CTBP2: variants seen among roughly 807,000 people sequenced by gnomAD.
CTBP2 encodes the protein C-terminal binding protein 2, also known as C-terminal-binding protein 2.
A neutral mutation model predicts 80.3 loss-of-function variants in CTBP2; 30 were observed. The observed-to-expected ratio is 0.37, with a 90% CI of 0.28 to 0.51. The LOEUF is 0.51. Among genes scored for constraint, CTBP2 ranks in the 20% least tolerant of loss-of-function variants. The pLI is 0.93. For missense variants in CTBP2, 1,212 were observed against 1,375.3 expected (o/e 0.88, Z 1.88); for synonymous variants, 594 against 587.4 (o/e 1.01, Z -0.16).
At position 124,986,403 on chromosome 10, in the gene CTBP2, T is replaced by G. The variant is rs1343312199; in HGVS notation, c.*3115A>C. 1 of 152,326 alleles carries G rather than the reference T, an allele frequency of 6.6e-6. No homozygotes were observed. Among genetic ancestry groups the G allele is most frequent in the Non-Finnish European group, 1.5e-5 (1 of 68,018 alleles). 9.4% of individuals were successfully genotyped at this position (152,326 alleles called of 1,614,324 possible). A position where few individuals can be genotyped will look rare whatever the true frequency, so the allele number is the denominator to read the frequency against. On this transcript the variant is annotated 3_prime_UTR_variant, in exon 9 of 9. Coordinates refer to ENST00000309035, the MANE Select transcript of CTBP2 (RefSeq NM_022802.3). ...GCTTCTTGTTTTGTTTAGTTGATAA[T>G]GAAATGTGTACAACCTCAAATTTGC...
At chr10:125,071,449 T>G (rs774562830) in intron 2 of CTBP2, among the ~76,000 whole-genome samples, 1 of 152,212 alleles carries the variant, frequency 6.6e-6, no homozygotes, top group Non-Finnish European at 1.5e-5. Flanking sequence ...TGAGCCCAAG[T>G]GGGACAGGAA....
chr10:125,101,595 T>C (rs948763810), intron 2 of CTBP2, among the ~76,000 whole-genome samples: 2 of 151,976 alleles, frequency 1.3e-5, no homozygotes, highest in African/African-American at 4.8e-5. Flanking sequence ...GGGCAAGGAG[T>C]GAGCAACCCA....
chr10:125,023,889 G>A (rs904519419), intron 1 of CTBP2, among the ~76,000 whole-genome samples: 2 of 152,228 alleles, frequency 1.3e-5, no homozygotes, highest in Admixed American at 6.5e-5. Flanking sequence ...CCGAAGGGGA[G>A]AAGAGAGTCA....
intron 1 of CTBP2, among the ~76,000 whole-genome samples, chr10:125,130,343 C>T (rs1226065428): frequency 1.2e-4 from 18 of 152,142 alleles, no homozygotes; most frequent in Non-Finnish European, 1.5e-5. Context: ...GCCACCATGC[C>T]TGGCCAGCCC....
chr10:125,119,416 G>A (rs1853932170), intron 1 of CTBP2, among the ~76,000 whole-genome samples: 1 of 152,230 alleles, frequency 6.6e-6, no homozygotes, highest in Non-Finnish European at 1.5e-5. Context: ...TGGTCAAGAT[G>A]TACCAGACCA....
upstream of CTBP2, among the ~76,000 whole-genome samples, chr10:125,029,767 C>T (rs745908578): frequency 8.5e-5 from 13 of 152,188 alleles, no homozygotes; most frequent in Admixed American, 6.5e-5. Context: ...TGTTGACTCA[C>T]CAGCTTCTTT....
chr10:125,064,935 C>T (rs2936541), intron 2 of CTBP2, among the ~76,000 whole-genome samples: 100,054 of 152,130 alleles, frequency 0.66, 33,831 homozygotes, highest in African/African-American at 0.81. Context: ...GTTTCACAAG[C>T]TTCCCCACCT....
intron 2 of CTBP2, among the ~76,000 whole-genome samples, chr10:125,101,717 A>G (rs1269762614): frequency 6.6e-6 from 1 of 152,188 alleles, no homozygotes; most frequent in African/African-American, 2.4e-5. Context: ...TGCAACATAG[A>G]CCACAGGTAC....
chr10:124,993,814 G>T, intron 6 of CTBP2, 41 bp downstream of exon 8: 2 of 1,591,880 alleles, frequency 1.3e-6, no homozygotes, highest in African/African-American at 2.7e-5. Context: ...TGTGGAGCTG[G>T]GCCCTGTGGG....
chr10:125,105,625 CTG>C (rs1288635370), intron 2 of CTBP2, among the ~76,000 whole-genome samples: 5 of 152,164 alleles, frequency 3.3e-5, no homozygotes, highest in Admixed American at 1.3e-4. Flanking sequence ...CAGTGAAATG[CTG>C]TGTGTCCTTC....
intron 2 of CTBP2, among the ~76,000 whole-genome samples, chr10:125,065,439 T>C (rs377038153): frequency 2.6e-4 from 40 of 151,860 alleles, no homozygotes; most frequent in East Asian, 2.1e-3. Flanking sequence ...TTCAGCAAAA[T>C]AAAGGGAAGG....
intron 1 of CTBP2, among the ~76,000 whole-genome samples, chr10:125,020,672 T>C (rs1158330859): frequency 6.6e-6 from 1 of 152,038 alleles, no homozygotes; most frequent in Admixed American, 6.6e-5. Context: ...CCGGCAGAAA[T>C]CATTTGTCGA....
At chr10:125,124,084 G>A (rs1019932480) in intron 1 of CTBP2, among the ~76,000 whole-genome samples, 7 of 152,198 alleles carry the variant, frequency 4.6e-5, no homozygotes, top group East Asian at 1.9e-4. Context: ...TGGGCTGGCC[G>A]GCTTCCAACA....
At chr10:125,018,079 G>C (rs1229832252) in intron 1 of CTBP2, among the ~76,000 whole-genome samples, 1 of 152,214 alleles carries the variant, frequency 6.6e-6, no homozygotes, top group Admixed American at 6.5e-5. Flanking sequence ...ATTTTCCCTT[G>C]CTGTGCTAAT....
At chr10:125,148,276 C>A (rs1017122548) in intron 1 of CTBP2, among the ~76,000 whole-genome samples, 2 of 152,042 alleles carry the variant, frequency 1.3e-5, no homozygotes, top group African/African-American at 4.8e-5. Flanking sequence ...CTGCCGGGGC[C>A]CCTAGAGCAA....
intron 1 of CTBP2, among the ~76,000 whole-genome samples, chr10:125,136,840 G>A (rs1297166384): frequency 6.6e-6 from 1 of 152,210 alleles, no homozygotes; most frequent in African/African-American, 2.4e-5. Context: ...TAGGGGCAGA[G>A]ACGTAAAACA....
At chr10:124,994,131 A>G (rs902846666) in intron 5 of CTBP2, 146 bp from the exon 8 acceptor site, 9 of 1,152,200 alleles carry the variant, frequency 7.8e-6, no homozygotes, top group Non-Finnish European at 9.8e-6. Context: ...GGGAGTGGGA[A>G]GTGTTGGTGA....
Position 125,066,089 on chromosome 10 carries a change from G to A in CTBP2, c.-101-26934C>T, listed in dbSNP as rs886365270. Among the ~76,000 whole-genome samples, 10 of 147,054 alleles carry A rather than the reference G, an allele frequency of 6.8e-5. No individual in the cohort carries two copies. The highest frequency in any genetic ancestry group is 6.4e-4 in the South Asian group (3 of 4,674). ...GCACTCTAGCCAAAAAAAAAAAGCC[G>A]TCATCTTCTTGATGGTGAACTCCCT... On this transcript the variant is annotated intron_variant, in intron 2 of 10. Coordinates refer to the CTBP2 transcript ENST00000337195. This position sits in a 1 kb window ranked among gnomAD's most constrained non-coding sequence, Gnocchi z 4.1.
Position 125,136,584 on chromosome 10 carries a change from AAATGAACCC to A in CTBP2, c.-206+23726_-206+23734del, listed in dbSNP as rs1056853497. ...CTGTGGAGGATGTGGGAAAGAAAGA[AAATGAACCC>A]CATGGAGCCCATTCTTGCAGGAATT... On this transcript the variant is annotated intron_variant, in intron 1 of 10. Coordinates refer to the CTBP2 transcript ENST00000337195. Among the ~76,000 whole-genome samples the A allele has an allele frequency of 5.3e-3, 813 of 152,274 alleles. 14 individuals are homozygous for A. The highest frequency in any genetic ancestry group is 0.017 in the African/African-American group (717 of 41,544).
Sources: gnomAD v4.1 joint callset for allele counts (sites outside exome capture counted in the v4.1 genomes callset) on GRCh38, gnomAD v4.1.1 for gene constraint, Gnocchi (gnomAD v3.1) non-coding constraint, MANE v1.5 for transcripts, NCBI Gene and HGNC (gene_info 2026-07-23, HGNC 2026-07-21) for gene names.